ADAMTS16: variants seen among roughly 807,000 people sequenced by gnomAD.
ADAMTS16 encodes ADAM metallopeptidase with thrombospondin type 1 motif 16, also known as A disintegrin and metalloproteinase with thrombospondin motifs 16.
ADAMTS16 carries 94 observed loss-of-function variants against 145.8 expected under a neutral mutation model. That is an observed-to-expected ratio of 0.64 (90% CI 0.55 to 0.77). ADAMTS16 has a LOEUF of 0.77. Ranked by LOEUF, ADAMTS16 falls within the 30% of genes least tolerant of loss-of-function variation. ADAMTS16 has a pLI of 0.00. For missense variants in ADAMTS16, 1,585 were observed against 1,591.5 expected, an observed-to-expected ratio of 1.00 and a Z score of 0.07; for synonymous variants, 659 against 604.3, an observed-to-expected ratio of 1.09 and a Z score of -1.33.
intron 3 of ADAMTS16, 130 bp downstream of exon 3, chr5:5,146,585 A>C: frequency 9.5e-7 from 1 of 1,049,228 alleles, no homozygotes; most frequent in Non-Finnish European, 1.4e-6. Context: ...AGCAGGAGGA[A>C]TATTGCCAAG....
intron 16 of ADAMTS16, among the ~76,000 whole-genome samples, chr5:5,240,197 G>C (rs775612973): frequency 5.3e-5 from 8 of 152,154 alleles, no homozygotes; most frequent in Non-Finnish European, 8.8e-5. Context: ...CTGTAAGCTC[G>C]ATGGCTGTGA....
At chr5:5,266,955 A>G (rs1391971415) in intron 18 of ADAMTS16, among the ~76,000 whole-genome samples, 3 of 152,206 alleles carry the variant, frequency 2.0e-5, no homozygotes, top group African/African-American at 7.2e-5. Flanking sequence ...ACCACCAACC[A>G]TTATCCAAGA....
chr5:5,312,182 G>A (rs1740480765), intron 21 of ADAMTS16, among the ~76,000 whole-genome samples: 1 of 152,176 alleles, frequency 6.6e-6, no homozygotes, highest in African/African-American at 2.4e-5. Flanking sequence ...GCTTTGCTGT[G>A]TTGTGGGCCA....
chr5:5,211,007 T>A (rs1257641095), intron 10 of ADAMTS16, among the ~76,000 whole-genome samples: 2 of 152,226 alleles, frequency 1.3e-5, no homozygotes, highest in Non-Finnish European at 2.9e-5. Flanking sequence ...TGCTCATGAT[T>A]TTTACATTTG....
intron 18 of ADAMTS16, among the ~76,000 whole-genome samples, chr5:5,287,654 CG>C (rs750916509): frequency 3.3e-5 from 5 of 152,218 alleles, no homozygotes; most frequent in African/African-American, 9.6e-5. Context: ...AGGCTCCGGG[CG>C]GGATATTGAT....
Position 5,262,689 on chromosome 5 carries a change from G to C in ADAMTS16, c.2695G>C (p.Asp899His). ...QMTVREGCYR[D>H]LKFQVNMSFC... Reference sequence around the variant, plus strand: ...GACCGTGAGAGAGGGCTGCTACAGAGACCTGAAGTTTCAAGTAAATATGTC... The same window carrying C: ...GACCGTGAGAGAGGGCTGCTACAGACACCTGAAGTTTCAAGTAAATATGTC... The change falls in exon 18 of 23, where the codon GAC becomes CAC. Residue 899 changes from aspartate to histidine, a missense_variant. Physicochemically the swap from Asp to His is moderately conservative, Grantham distance 81. Transcript: ENST00000274181. 6.2e-7 allele frequency: 1 copy of C among 1,614,184 alleles called. No individual in the cohort carries two copies. Among genetic ancestry groups the C allele is most frequent in the South Asian group, 1.1e-5 (1 of 91,080 alleles).
At chr5:5,232,539 C>T in intron 12 of ADAMTS16, 23 bp downstream of exon 12, 1 of 1,608,952 alleles carries the variant, frequency 6.2e-7, no homozygotes, top group Non-Finnish European at 8.5e-7. Context: ...TGACCTCCTT[C>T]CTCACAAACG....
chr5:5,251,946 G>T (rs1335979661), intron 17 of ADAMTS16, among the ~76,000 whole-genome samples: 1 of 152,086 alleles, frequency 6.6e-6, no homozygotes, highest in Non-Finnish European at 1.5e-5. Context: ...AACCTCCCGG[G>T]TTCCCGCCAT....
intron 17 of ADAMTS16, among the ~76,000 whole-genome samples, chr5:5,246,612 C>G (rs2126400481): frequency 6.6e-6 from 1 of 152,274 alleles, no homozygotes; most frequent in South Asian, 2.1e-4. Context: ...ATACAAGAGA[C>G]TTTTGCTTGA....
rs1463782503 is a variant in ADAMTS16, at chr5:5,262,663, T to A, written c.2669T>A (p.Met890Lys). 1 of 1,613,846 alleles carries A rather than the reference T, an allele frequency of 6.2e-7. No individual in the cohort carries two copies. ...ATTTCATCCTTGCCTGCAGGACAGATGACCGTGAGAGAGGGCTGCTACAGA... is the reference window on the plus strand; with the variant it reads ...ATTTCATCCTTGCCTGCAGGACAGAAGACCGTGAGAGAGGGCTGCTACAGA... ...ECSVSCGGGQ[M>K]TVREGCYRDL... The change falls in exon 18 of 23, where the codon ATG (methionine) becomes AAG (lysine). Residue 890 changes from methionine (M) to lysine (K), a missense_variant. By Grantham distance (95) the Met-to-Lys change is moderately conservative. Coordinates refer to ENST00000274181, the MANE Select transcript of ADAMTS16 (RefSeq NM_139056.4).
intron 10 of ADAMTS16, 88 bp downstream of exon 10, chr5:5,209,334 A>G (rs1206149801): frequency 2.7e-6 from 4 of 1,471,038 alleles, no homozygotes; most frequent in Non-Finnish European, 3.7e-6. Context: ...TTCTGCATTT[A>G]TTGGGTACCT....
chr5:5,237,140 C>T (rs1412841518), intron 14 of ADAMTS16, 41 bp downstream of exon 14: 1 of 1,598,650 alleles, frequency 6.3e-7, no homozygotes. Context: ...TGATTCCGGA[C>T]AGTCTGCTTT....
At chr5:5,244,032 A>G (rs990129080) in intron 17 of ADAMTS16, among the ~76,000 whole-genome samples, 1 of 152,222 alleles carries the variant, frequency 6.6e-6, no homozygotes, top group East Asian at 1.9e-4. Flanking sequence ...GGGATTCTCA[A>G]TTCAACAGCG....
At chr5:5,239,638 T>A in intron 15 of ADAMTS16, 43 bp from the exon 16 acceptor site, 1 of 1,604,278 alleles carries the variant, frequency 6.2e-7, no homozygotes, top group African/African-American at 1.3e-5. Flanking sequence ...TGCCCCTGCT[T>A]TCTGGAATGA....
chr5:5,222,243 C>G lies in ADAMTS16; in HGVS notation c.1606-546C>G, dbSNP rs2126346609. On this transcript the variant is annotated intron_variant, in intron 10 of 22. Transcript: ENST00000274181. ...AAAGAAGGTCATGTTCACAATGGAA[C>G]CTCTTGCCTGGCAAGATGCCTCACA... 1.3e-5 allele frequency among the ~76,000 whole-genome samples: 2 copies of G among 152,300 alleles called. 1 individual carries two copies. The highest frequency in any genetic ancestry group is 4.2e-4 in the South Asian group (2 of 4,816).
At chr5:5,244,199 C>T (rs1477261770) in intron 17 of ADAMTS16, among the ~76,000 whole-genome samples, 1 of 152,190 alleles carries the variant, frequency 6.6e-6, no homozygotes, top group Non-Finnish European at 1.5e-5. Context: ...AAGGGGAACA[C>T]TTGCAAATGG....
At chr5:5,149,795 C>A (rs1354344352) in intron 3 of ADAMTS16, among the ~76,000 whole-genome samples, 1 of 152,210 alleles carries the variant, frequency 6.6e-6, no homozygotes, top group Non-Finnish European at 1.5e-5. Flanking sequence ...TAAACAGAAG[C>A]ATACACTATG....
chr5:5,146,474 C>G lies in ADAMTS16; in HGVS notation c.501+19C>G. Reference sequence around the variant, plus strand: ...AGGCTTGGTGAGTACAGCGCAAGCCCCAGGTAGGGAGGCGAGGTTGGTGAT... The same window carrying G: ...AGGCTTGGTGAGTACAGCGCAAGCCGCAGGTAGGGAGGCGAGGTTGGTGAT... On this transcript the variant is annotated intron_variant, in intron 3 of 22. Coordinates refer to ENST00000274181, the MANE Select transcript of ADAMTS16 (RefSeq NM_139056.4). 1 of 1,576,830 alleles carries G rather than the reference C, an allele frequency of 6.3e-7. No homozygotes were observed. Among genetic ancestry groups the G allele is most frequent in the Non-Finnish European group, 8.6e-7 (1 of 1,164,522 alleles).
At chr5:5,264,781 G>GAGATGCAGTC (rs148252859) in intron 18 of ADAMTS16, among the ~76,000 whole-genome samples, 42,413 of 151,984 alleles carry the variant, frequency 0.28, 5,960 homozygotes, top group East Asian at 0.37. Context: ...GCTATCAAGA[G>GAGATGCAGTC]AGAATTTACA....
Sources: gnomAD v4.1 joint callset for allele counts (sites outside exome capture counted in the v4.1 genomes callset) on GRCh38, gnomAD v4.1.1 for gene constraint, MANE v1.5 for transcripts, NCBI Gene and HGNC (gene_info 2026-07-23, HGNC 2026-07-21) for gene names.